The following KAT6B variants were observed in gnomAD, a reference collection of about 807,000 sequenced individuals.
The protein encoded by KAT6B is histone acetyltransferase KAT6B.
In KAT6B, 10 loss-of-function variants were observed where a neutral mutation model predicts 187.5. The ratio of observed to expected loss-of-function variants is 0.05; its 90% CI spans 0.03 to 0.09. The LOEUF (loss-of-function observed/expected upper bound fraction) is 0.09. Ranked by LOEUF, KAT6B falls within the 10% of genes least tolerant of loss-of-function variation. The pLI is 1.00. For synonymous variants in KAT6B, 861 were observed against 926.8 expected, an observed-to-expected ratio of 0.93 and a Z score of 1.29; for missense variants, 1,952 against 2,558.9, an observed-to-expected ratio of 0.76 and a Z score of 5.12.
Position 75,031,759 on chromosome 10 carries a change from G to GA in KAT6B, c.*719dup, listed in dbSNP as rs939183205. On this transcript the variant is annotated 3_prime_UTR_variant, in exon 18 of 18. Transcript: ENST00000287239. ...CATTTTGGTGACAGATTTCTTTGGG[G>GA]AAAAAAGGCAGCTTTCTGTTTTATA... The GA allele has an allele frequency of 6.7e-5, 14 of 209,860 alleles. No individual in the cohort carries two copies. The highest frequency in any genetic ancestry group is 1.2e-4 in the Admixed American group (2 of 16,990). 13.0% of individuals were successfully genotyped at this position (209,860 alleles called of 1,614,324 possible).
At chr10:74,973,149 C>CAA (rs1264150051) in intron 7 of KAT6B, among the ~76,000 whole-genome samples, 1 of 152,200 alleles carries the variant, frequency 6.6e-6, no homozygotes, top group African/African-American at 2.4e-5. Context: ...TGACCACTTA[C>CAA]CTCTGAAGAG....
At chr10:74,933,264 C>T (rs1318062376) in intron 3 of KAT6B, among the ~76,000 whole-genome samples, 1 of 152,174 alleles carries the variant, frequency 6.6e-6, no homozygotes, top group African/African-American at 2.4e-5. Context: ...AAAGAGATAG[C>T]CTAGACATAA....
At chr10:74,942,765 CAAAA>C (rs56276008) in intron 3 of KAT6B, among the ~76,000 whole-genome samples, 29 of 9,342 alleles carry the variant, frequency 3.1e-3, no homozygotes, top group Admixed American at 0.018. Context: ...AACTCCATCG[CAAAA>C]AAAAAAAAAA....
chr10:74,843,662 A>G (rs1433233243), intron 3 of KAT6B, among the ~76,000 whole-genome samples, 184 bp downstream of exon 3: 1 of 152,154 alleles, frequency 6.6e-6, no homozygotes, highest in Non-Finnish European at 1.5e-5. Context: ...GGACTTCCTC[A>G]CTGGTTGGCC....
At chr10:74,973,622 T>C (rs759577207) in intron 7 of KAT6B, among the ~76,000 whole-genome samples, 1 of 152,206 alleles carries the variant, frequency 6.6e-6, no homozygotes, top group Non-Finnish European at 1.5e-5. Context: ...AGAAAAATAG[T>C]ATTCTCCCGC....
intron 13 of KAT6B, among the ~76,000 whole-genome samples, chr10:75,013,233 G>A (rs992946940): frequency 1.3e-5 from 2 of 152,136 alleles, no homozygotes; most frequent in African/African-American, 4.8e-5. Flanking sequence ...TGGTTGGATG[G>A]GCTAGCCATT....
chr10:75,013,878 C>T (rs1321690648), intron 13 of KAT6B, among the ~76,000 whole-genome samples: 1 of 152,154 alleles, frequency 6.6e-6, no homozygotes, highest in Non-Finnish European at 1.5e-5. Context: ...AGTCTGGCTC[C>T]AGAGCCCATG....
At chr10:74,849,538 C>A (rs1333246383) in intron 3 of KAT6B, among the ~76,000 whole-genome samples, 1 of 152,170 alleles carries the variant, frequency 6.6e-6, no homozygotes, top group African/African-American at 2.4e-5. Context: ...AGTGATCCGC[C>A]TGCCTTGGCA....
chr10:74,904,298 CA>C (rs1240363148), intron 3 of KAT6B, among the ~76,000 whole-genome samples: 2 of 152,168 alleles, frequency 1.3e-5, no homozygotes, highest in African/African-American at 2.4e-5. Flanking sequence ...AAGGACTCAC[CA>C]GGCTGAAATC....
intron 13 of KAT6B, among the ~76,000 whole-genome samples, chr10:75,019,579 A>G (rs1452852991): frequency 6.6e-6 from 1 of 152,146 alleles, no homozygotes; most frequent in Non-Finnish European, 1.5e-5. Context: ...CACCTACTGT[A>G]TGTGGTTGAT....
chr10:74,847,662 C>T (rs1252146835), intron 3 of KAT6B, among the ~76,000 whole-genome samples: 4 of 141,854 alleles, frequency 2.8e-5, no homozygotes, highest in Admixed American at 2.8e-4. Flanking sequence ...GAAACTCCAT[C>T]TCAAAAAAAA....
chr10:74,976,370 G>A lies in KAT6B; in HGVS notation c.1993+40G>A, dbSNP rs371532591. The A allele has an allele frequency of 8.9e-5, 137 of 1,538,980 alleles. No homozygotes were observed. The East Asian group carries it at 1.3e-3, about 15-fold the overall frequency. Reference sequence around the variant, plus strand: ...AAAGCTCCAACCAAACCTGCGTCCCGTCCCTTTCTCCCCAACCCTGAAAAA... The same window carrying A: ...AAAGCTCCAACCAAACCTGCGTCCCATCCCTTTCTCCCCAACCCTGAAAAA... On this transcript the variant is annotated intron_variant, in intron 8 of 17. Transcript: ENST00000287239.
At chr10:74,932,925 C>T (rs1052523469) in intron 3 of KAT6B, among the ~76,000 whole-genome samples, 10 of 152,192 alleles carry the variant, frequency 6.6e-5, no homozygotes, top group Non-Finnish European at 1.3e-4. Context: ...AGGCTCTTCT[C>T]CTTAAAGTGT....
At chr10:74,996,099 C>T (rs1330564804) in intron 13 of KAT6B, among the ~76,000 whole-genome samples, 1 of 152,214 alleles carries the variant, frequency 6.6e-6, no homozygotes, top group Non-Finnish European at 1.5e-5. Context: ...ATGCATTTAT[C>T]TGATGCCAAA....
intron 3 of KAT6B, among the ~76,000 whole-genome samples, chr10:74,877,959 A>C (rs1844545334): frequency 6.6e-6 from 1 of 152,180 alleles, no homozygotes; most frequent in African/African-American, 2.4e-5. Flanking sequence ...TGGTTGTATA[A>C]AAAGAAACAT....
chr10:74,854,572 T>C (rs1320725131), intron 3 of KAT6B, among the ~76,000 whole-genome samples: 1 of 152,052 alleles, frequency 6.6e-6, no homozygotes, highest in Non-Finnish European at 1.5e-5. Context: ...ATGAGGCTGG[T>C]CTCTGCAAAG....
At chr10:74,956,382 G>T (rs930543573) in intron 3 of KAT6B, among the ~76,000 whole-genome samples, 4 of 152,090 alleles carry the variant, frequency 2.6e-5, no homozygotes, top group African/African-American at 4.8e-5. Flanking sequence ...CATTGTAAAG[G>T]TACCTTTTCC....
At chr10:74,846,431 TTTTTG>T (rs1842105711) in intron 3 of KAT6B, among the ~76,000 whole-genome samples, 1 of 152,100 alleles carries the variant, frequency 6.6e-6, no homozygotes, top group African/African-American at 2.4e-5. Flanking sequence ...TATATATATA[TTTTTG>T]TTTTGTTTTT....
chr10:74,943,607 A>C (rs1266724318), intron 3 of KAT6B, among the ~76,000 whole-genome samples: 1 of 152,112 alleles, frequency 6.6e-6, no homozygotes, highest in African/African-American at 2.4e-5. Flanking sequence ...GGGAAAAAAA[A>C]TGAACCTTGA....
Sources: gnomAD v4.1 joint callset for allele counts (sites outside exome capture counted in the v4.1 genomes callset) on GRCh38, gnomAD v4.1.1 for gene constraint, MANE v1.5 for transcripts, NCBI Gene and HGNC (gene_info 2026-07-23, HGNC 2026-07-21) for gene names.